CARF: variants seen among roughly 807,000 people sequenced by gnomAD.
CARF encodes the protein calcium-responsive transcription factor.
CARF carries 57 observed loss-of-function variants against 82.0 expected under a neutral mutation model. That is an observed-to-expected ratio of 0.70 (90% CI 0.56 to 0.87). The LOEUF (loss-of-function observed/expected upper bound fraction) is 0.87, where lower values mean the gene tolerates loss of function less well. Ranked by LOEUF, CARF falls within the 40% of genes least tolerant of loss-of-function variation. CARF has a pLI of 0.00. For synonymous variants in CARF, 268 were observed against 290.1 expected, an observed-to-expected ratio of 0.92 and a Z score of 0.77; for missense variants, 771 against 855.8, an observed-to-expected ratio of 0.90 and a Z score of 1.24.
chr2:202,958,702 T>A (rs1042055628), intron 8 of CARF, among the ~76,000 whole-genome samples: 4 of 151,982 alleles, frequency 2.6e-5, no homozygotes, highest in Non-Finnish European at 4.4e-5. Context: ...GTCAAGAGAT[T>A]GAGACCATCC....
chr2:202,930,954 ACT>A (rs1268141063), intron 3 of CARF, among the ~76,000 whole-genome samples: 1 of 142,834 alleles, frequency 7.0e-6, no homozygotes, highest in East Asian at 2.0e-4. Context: ...CTTCCTTATG[ACT>A]TTTTTTCTTT....
chr2:202,939,874 G>C (rs12052251), intron 3 of CARF, among the ~76,000 whole-genome samples: 1 of 151,580 alleles, frequency 6.6e-6, no homozygotes, highest in Non-Finnish European at 1.5e-5. Flanking sequence ...TTTTTTTGTA[G>C]AGACAGGATC....
intron 5 of CARF, among the ~76,000 whole-genome samples, chr2:202,943,887 C>G (rs1157117330): frequency 6.6e-6 from 1 of 151,982 alleles, no homozygotes; most frequent in South Asian, 2.1e-4. Flanking sequence ...ACCTCGTTAT[C>G]CACCCACCTC....
chr2:202,982,824 C>T (rs1288627511), intron 16 of CARF, among the ~76,000 whole-genome samples: 1 of 152,094 alleles, frequency 6.6e-6, no homozygotes, highest in Non-Finnish European at 1.5e-5. Flanking sequence ...TGTATGCACA[C>T]ATACACAAAG....
At chr2:202,973,423 A>G (rs1295672145) in intron 12 of CARF, 2 of 431,348 alleles carry the variant, frequency 4.6e-6, no homozygotes, top group Non-Finnish European at 9.1e-6. Flanking sequence ...TTTTTATACA[A>G]TTAAATAACA....
At position 202,974,365 on chromosome 2, in the gene CARF, G is replaced by A. The variant is rs200129588; in HGVS notation, c.1363G>A (p.Asp455Asn). ...KFVERELFKP[D>N]EVPERHNLSF... ...TGTGGAAAGGGAACTGTTCAAACCC[G>A]ATGAGGTACCTGAAAGACATAATTT... The change falls in exon 13 of 17, where the codon GAT becomes AAT. Residue 455 changes from aspartate (D) to asparagine (N), a missense_variant. By Grantham distance (23) the Asp-to-Asn change is conservative. Transcript: ENST00000438828. 1.2e-5 allele frequency: 19 copies of A among 1,606,368 alleles called. No homozygotes were observed. The highest frequency in any genetic ancestry group is 1.0e-4 in the Admixed American group (6 of 57,734).
chr2:202,983,384 A>G, intron 16 of CARF, 122 bp from the exon 17 acceptor site: 2 of 629,784 alleles, frequency 3.2e-6, no homozygotes, highest in Non-Finnish European at 5.4e-6. Flanking sequence ...AAAGATTTGC[A>G]GTTTGCTTTG....
intron 2 of CARF, among the ~76,000 whole-genome samples, chr2:202,919,925 T>C (rs1462282335): frequency 6.6e-6 from 1 of 152,124 alleles, no homozygotes; most frequent in Non-Finnish European, 1.5e-5. Context: ...GGTTAAATGA[T>C]ATAGGTAAAA....
In CARF at chr2:202,983,640, C is replaced by G; in HGVS notation, c.*16C>G. 2.1e-6 allele frequency: 3 copies of G among 1,441,606 alleles called. No individual in the cohort carries two copies. Among genetic ancestry groups the G allele is most frequent in the Non-Finnish European group, 2.9e-6 (3 of 1,028,710 alleles). 89.3% of individuals were successfully genotyped at this position (1,441,606 alleles called of 1,614,324 possible). A position where few individuals can be genotyped will look rare whatever the true frequency, so the allele number is the denominator to read the frequency against. The stretch of plus-strand genomic sequence containing the variant: ...TGCTACATAAATTATTGAAGCTTTT[C>G]AGAATTTACAACTCTGGTGACTTCT... On this transcript the variant is annotated 3_prime_UTR_variant, in exon 17 of 17. Transcript: ENST00000438828.
intron 9 of CARF, among the ~76,000 whole-genome samples, chr2:202,965,728 TTGG>T (rs933746772): frequency 6.6e-6 from 1 of 152,198 alleles, no homozygotes; most frequent in Non-Finnish European, 1.5e-5. Context: ...GTATTAGTAA[TTGG>T]TGTTTTTATT....
intron 2 of CARF, among the ~76,000 whole-genome samples, chr2:202,923,484 C>T (rs1437155365): frequency 6.6e-6 from 1 of 152,156 alleles, no homozygotes; most frequent in Non-Finnish European, 1.5e-5. Flanking sequence ...ACAACATATA[C>T]AAATGGAAAC....
intron 8 of CARF, among the ~76,000 whole-genome samples, chr2:202,956,215 C>G (rs1289678452): frequency 6.6e-6 from 1 of 151,864 alleles, no homozygotes; most frequent in Non-Finnish European, 1.5e-5. Context: ...AAATGATTTT[C>G]AAGTCCGTAT....
chr2:202,941,442 T>C (rs2058225254), intron 3 of CARF, among the ~76,000 whole-genome samples: 1 of 152,148 alleles, frequency 6.6e-6, no homozygotes. Context: ...ATAATCTCTG[T>C]CTACACCAGG....
rs958115120 is a variant in CARF at position 202,987,488 on chromosome 2, A to T, written c.*3864A>T. Among the ~76,000 whole-genome samples the T allele has an allele frequency of 6.6e-5, 10 of 152,298 alleles. No individual in the cohort carries two copies. In the South Asian group the frequency reaches 1.5e-3, roughly 22 times the overall value. On this transcript the variant is annotated 3_prime_UTR_variant, in exon 17 of 17. Coordinates refer to ENST00000438828, the MANE Select transcript of CARF (RefSeq NM_024744.17). ...TTAGACATCAAACATCTTAAATGAT[A>T]CACTGTTTTAATATCTAAAAATCTG...
chr2:202,931,855 A>C (rs1392107192), intron 3 of CARF, among the ~76,000 whole-genome samples: 1 of 152,042 alleles, frequency 6.6e-6, no homozygotes, highest in Non-Finnish European at 1.5e-5. Flanking sequence ...AAGTAGCTAC[A>C]GGAGCGCTGG....
At chr2:202,976,494 G>A (rs1364380679) in intron 13 of CARF, among the ~76,000 whole-genome samples, 2 of 151,948 alleles carry the variant, frequency 1.3e-5, no homozygotes, top group East Asian at 3.9e-4. Flanking sequence ...GTTTGATATG[G>A]TAGTTTCTCC....
rs750552811 is a variant in CARF, at chr2:202,970,012, A to G, written c.1047A>G (p.Lys349=). ...AAATTATCAGAATGGAGCAGGAGAA[A>G]GCTTTTAACATGCTAAAGAAGAACT... ...DKKIIRMEQE[K]AFNMLKKNLV... is the part of the protein sequence containing the mutation. The change falls in exon 11 of 17, where the codon AAA becomes AAG. Residue 349 remains lysine (K), a synonymous_variant. Transcript: ENST00000438828. 1 of 1,579,718 alleles carries G rather than the reference A, an allele frequency of 6.3e-7. No homozygotes were observed. The highest frequency in any genetic ancestry group is 8.5e-7 in the Non-Finnish European group (1 of 1,170,336).
intron 5 of CARF, among the ~76,000 whole-genome samples, chr2:202,951,480 A>AT (rs1306140515): frequency 6.6e-6 from 1 of 152,170 alleles, no homozygotes; most frequent in East Asian, 1.9e-4. Flanking sequence ...GGAGAGTAGT[A>AT]TGTTAAGTAA....
At chr2:202,958,436 G>A (rs1175600428) in intron 8 of CARF, among the ~76,000 whole-genome samples, 1 of 152,022 alleles carries the variant, frequency 6.6e-6, no homozygotes, top group Non-Finnish European at 1.5e-5. Flanking sequence ...AAACAATCAT[G>A]CAACCAAATC....
Sources: allele counts gnomAD v4.1 joint callset (sites outside exome capture counted in the v4.1 genomes callset), GRCh38; gene constraint gnomAD v4.1.1; transcripts MANE v1.5; gene names NCBI Gene and HGNC (gene_info 2026-07-23, HGNC 2026-07-21).